ARHGAP25: variants seen among roughly 807,000 people sequenced by gnomAD.
The protein encoded by ARHGAP25 is Rho GTPase activating protein 25.
A neutral mutation model predicts 71.0 loss-of-function variants in ARHGAP25; 34 were observed. That is an observed-to-expected ratio of 0.48 (90% CI 0.36 to 0.64). The LOEUF is 0.64. Among genes scored for constraint, ARHGAP25 ranks in the 30% least tolerant of loss-of-function variants. ARHGAP25 has a pLI of 0.00. For synonymous variants in ARHGAP25, 282 were observed against 296.5 expected, an observed-to-expected ratio of 0.95 and a Z score of 0.50; for missense variants, 706 against 805.1, an observed-to-expected ratio of 0.88 and a Z score of 1.49.
At chr2:68,743,272 G>A (rs1391134707) in intron 1 of ARHGAP25, among the ~76,000 whole-genome samples, 1 of 152,062 alleles carries the variant, frequency 6.6e-6, no homozygotes, top group Non-Finnish European at 1.5e-5. Flanking sequence ...AAGTGAGGTT[G>A]GAAGTTGTTA....
chr2:68,808,609 T>C (rs1011002798), intron 5 of ARHGAP25, among the ~76,000 whole-genome samples: 1 of 152,208 alleles, frequency 6.6e-6, no homozygotes, highest in Non-Finnish European at 1.5e-5. Flanking sequence ...ATTGGAACAA[T>C]AGCCCGTTAT....
intron 1 of ARHGAP25, among the ~76,000 whole-genome samples, chr2:68,740,645 C>G (rs909765781): frequency 1.3e-5 from 2 of 152,200 alleles, no homozygotes; most frequent in African/African-American, 4.8e-5. Flanking sequence ...AAAATCCTTT[C>G]CCAGGCCATT....
chr2:68,750,399 T>C (rs1676092026), intron 1 of ARHGAP25, among the ~76,000 whole-genome samples: 1 of 151,318 alleles, frequency 6.6e-6, no homozygotes, highest in South Asian at 2.1e-4. Flanking sequence ...CTTGGCTCAC[T>C]GCAACCTCTG....
intron 1 of ARHGAP25, among the ~76,000 whole-genome samples, chr2:68,766,796 C>T (rs992333692): frequency 2.0e-5 from 3 of 152,044 alleles, no homozygotes; most frequent in African/African-American, 7.3e-5. Context: ...CATTCTCTCT[C>T]CCTCTCTCTT....
Position 68,817,981 on chromosome 2 carries a change from C to T in ARHGAP25, c.990C>T (p.Ala330=), listed in dbSNP as rs148239115. 263 of 1,614,086 alleles carry T rather than the reference C, an allele frequency of 1.6e-4. No individual in the cohort carries two copies. Among genetic ancestry groups the T allele is most frequent in the Middle Eastern group, 8.3e-4 (5 of 6,048 alleles). ...TCAGGTCGAAGGTCGAAGACCCTGC[C>T]GTGATCATGAGAGGTATGGCTGGTC... ...NLIRSKVEDP[A]VIMRGTPQIQ... is the part of the protein sequence containing the mutation. The change falls in exon 8 of 11, where the codon GCC becomes GCT. Residue 330 remains alanine (A), a synonymous_variant. Coordinates refer to ENST00000409202, the MANE Select transcript of ARHGAP25 (RefSeq NM_001007231.3).
chr2:68,819,396 G>T, intron 9 of ARHGAP25, 77 bp downstream of exon 9: 3 of 1,525,616 alleles, frequency 2.0e-6, no homozygotes, highest in Admixed American at 1.7e-5. Context: ...GCCTGCTCTC[G>T]GGTGGCAATT....
At chr2:68,748,409 A>G (rs1675963524) in intron 1 of ARHGAP25, among the ~76,000 whole-genome samples, 2 of 152,060 alleles carry the variant, frequency 1.3e-5, no homozygotes, top group Non-Finnish European at 2.9e-5. Context: ...TTTTCTTTAT[A>G]CTGTTATTTG....
At chr2:68,810,807 T>G (rs1239847831) in intron 5 of ARHGAP25, among the ~76,000 whole-genome samples, 3 of 151,078 alleles carry the variant, frequency 2.0e-5, no homozygotes, top group Non-Finnish European at 2.9e-5. Flanking sequence ...AGTGGTGTGA[T>G]CTTGGCTCAC....
chr2:68,736,477 T>C (rs1675226531), intron 1 of ARHGAP25, among the ~76,000 whole-genome samples: 1 of 152,228 alleles, frequency 6.6e-6, no homozygotes, highest in Non-Finnish European at 1.5e-5. Flanking sequence ...TTCTGTTCCT[T>C]TGAAAGTGTC....
chr2:68,741,772 TA>T (rs1175921805), intron 1 of ARHGAP25, among the ~76,000 whole-genome samples: 2 of 152,202 alleles, frequency 1.3e-5, no homozygotes, highest in Non-Finnish European at 2.9e-5. Flanking sequence ...CAAGGAATAT[TA>T]AAATGTTGAA....
chr2:68,726,477 G>A (rs1674886669), intron 2 of ARHGAP25, among the ~76,000 whole-genome samples: 1 of 152,190 alleles, frequency 6.6e-6, no homozygotes, highest in Admixed American at 6.5e-5. Context: ...CCCTGGGAAC[G>A]AATTTCCCAT....
intron 10 of ARHGAP25, 138 bp downstream of exon 10, chr2:68,823,010 G>GA (rs1213800873): frequency 1.1e-6 from 1 of 892,212 alleles, no homozygotes; most frequent in African/African-American, 1.7e-5. Flanking sequence ...GGCCTAGAAA[G>GA]AAAAGAGTAA....
At chr2:68,751,381 G>A (rs984141015) in intron 1 of ARHGAP25, among the ~76,000 whole-genome samples, 1 of 152,232 alleles carries the variant, frequency 6.6e-6, no homozygotes, top group Non-Finnish European at 1.5e-5. Flanking sequence ...AGGGTGGAAA[G>A]CTAAGGTGGA....
intron 4 of ARHGAP25, among the ~76,000 whole-genome samples, chr2:68,792,952 T>C (rs916498545): frequency 6.6e-6 from 1 of 152,236 alleles, no homozygotes; most frequent in Non-Finnish European, 1.5e-5. Context: ...TTTTACTTTT[T>C]GGTAATTGCC....
In ARHGAP25 at chr2:68,787,876, A is replaced by G. The variant is rs555558513; in HGVS notation, c.386A>G (p.Tyr129Cys). ...WDQNRMGQDS[Y>C]VLMASSQAEM... is the part of the protein sequence containing the mutation. ...CAGAATCGCATGGGACAGGACTCCT[A>G]TGTCCTCATGGCCAGCTCTCAGGCG... Residue 129 changes from tyrosine to cysteine, a missense_variant, in exon 4 of 11, where the codon TAT becomes TGT. By Grantham distance (194) the Tyr-to-Cys change is radical. Coordinates refer to ENST00000409202, the MANE Select transcript of ARHGAP25 (RefSeq NM_001007231.3). The G allele has an allele frequency of 2.6e-5, 42 of 1,614,138 alleles. No homozygotes were observed. The Middle Eastern group carries it at 4.9e-4, about 19-fold the overall frequency.
chr2:68,751,092 G>A (rs1294621767), intron 1 of ARHGAP25, among the ~76,000 whole-genome samples: 2 of 152,148 alleles, frequency 1.3e-5, no homozygotes, highest in Non-Finnish European at 2.9e-5. Flanking sequence ...TCCAAAAATT[G>A]TCTACCATTT....
chr2:68,732,395 T>C (rs1365983560), upstream of ARHGAP25, among the ~76,000 whole-genome samples: 1 of 152,220 alleles, frequency 6.6e-6, no homozygotes, highest in Non-Finnish European at 1.5e-5. Context: ...AGGACTGAAA[T>C]TTTAGATGGT....
intron 1 of ARHGAP25, among the ~76,000 whole-genome samples, chr2:68,768,125 A>G (rs1677243176): frequency 6.6e-6 from 1 of 152,204 alleles, no homozygotes; most frequent in Non-Finnish European, 1.5e-5. Context: ...GGAGCAGATC[A>G]TTTCACCTCT....
chr2:68,823,564 C>T (rs1681866338), intron 10 of ARHGAP25, among the ~76,000 whole-genome samples: 1 of 152,096 alleles, frequency 6.6e-6, no homozygotes, highest in South Asian at 2.1e-4. Flanking sequence ...AGAGCAGTCC[C>T]CCATGGTCCC....
Sources: allele counts gnomAD v4.1 joint callset (sites outside exome capture counted in the v4.1 genomes callset), GRCh38; gene constraint gnomAD v4.1.1; transcripts MANE v1.5; gene names NCBI Gene and HGNC (gene_info 2026-07-23, HGNC 2026-07-21).